TRPS1: variants seen among roughly 807,000 people sequenced by gnomAD.
TRPS1 encodes transcriptional repressor GATA binding 1.
A neutral mutation model predicts 101.2 loss-of-function variants in TRPS1; 6 were observed. The ratio of observed to expected loss-of-function variants is 0.06; its 90% CI spans 0.03 to 0.12. The LOEUF is 0.12. TRPS1 is among the 10% of genes least tolerant of loss of function. The pLI, the probability that TRPS1 is intolerant of heterozygous loss-of-function variation, is 1.00. For missense variants in TRPS1, 1,363 were observed against 1,567.0 expected (o/e 0.87, Z 2.20); for synonymous variants, 578 against 589.8 (o/e 0.98, Z 0.29).
intron 5 of TRPS1, among the ~76,000 whole-genome samples, chr8:115,501,842 CT>C (rs1815327351): frequency 6.6e-6 from 1 of 152,106 alleles, no homozygotes; most frequent in East Asian, 1.9e-4. Context: ...CAGTCTATTG[CT>C]TTTATTAAGG....
chr8:115,472,968 A>G (rs1368807725), intron 5 of TRPS1, among the ~76,000 whole-genome samples: 1 of 152,198 alleles, frequency 6.6e-6, no homozygotes, highest in African/African-American at 2.4e-5. Flanking sequence ...TGTTACTCAA[A>G]GCCATTCAAC....
chr8:115,572,491 G>A (rs1004478715), intron 5 of TRPS1, among the ~76,000 whole-genome samples: 11 of 151,728 alleles, frequency 7.2e-5, no homozygotes, highest in Non-Finnish European at 1.2e-4. Flanking sequence ...TCACTCTGTG[G>A]TACCTGACAC....
chr8:115,447,228 C>T (rs987034620), intron 5 of TRPS1, among the ~76,000 whole-genome samples: 7 of 152,106 alleles, frequency 4.6e-5, no homozygotes, highest in African/African-American at 1.7e-4. Context: ...TATACCTTTG[C>T]CCTATCCTTG....
chr8:115,412,115 C>A lies in TRPS1; in HGVS notation c.*1908G>T, dbSNP rs1812803821. On this transcript the variant is annotated 3_prime_UTR_variant, in exon 7 of 7. Coordinates refer to ENST00000395715, the MANE Select transcript of TRPS1 (RefSeq NM_014112.5). ...TGTTTCATATGAAACATAGACAAAGCAATAAAAAGAGGATATATGTTTATC... is the reference window on the plus strand; with the variant it reads ...TGTTTCATATGAAACATAGACAAAGAAATAAAAAGAGGATATATGTTTATC... 6.6e-6 allele frequency: 1 copy of A among 150,384 alleles called. No homozygotes were observed. Among genetic ancestry groups the A allele is most frequent in the Non-Finnish European group, 1.5e-5 (1 of 67,550 alleles). 9.3% of individuals were successfully genotyped at this position (150,384 alleles called of 1,614,324 possible). A position where few individuals can be genotyped will look rare whatever the true frequency, so the allele number is the denominator to read the frequency against.
intron 1 of TRPS1, among the ~76,000 whole-genome samples, chr8:115,655,758 G>A (rs1811663353): frequency 6.6e-6 from 1 of 152,050 alleles, no homozygotes; most frequent in East Asian, 1.9e-4. Context: ...TGTACATAGA[G>A]GCTTTGAATT....
chr8:115,566,497 A>G (rs566637652), intron 5 of TRPS1, among the ~76,000 whole-genome samples: 1 of 152,094 alleles, frequency 6.6e-6, no homozygotes, highest in African/African-American at 2.4e-5. Flanking sequence ...ATGATTTCTG[A>G]GTTTTGCTGT....
chr8:115,657,208 T>TTA (rs1811695027), intron 1 of TRPS1, among the ~76,000 whole-genome samples: 1 of 152,116 alleles, frequency 6.6e-6, no homozygotes, highest in African/African-American at 2.4e-5. Flanking sequence ...ACATTCACTG[T>TTA]TATATTTTCC....
chr8:115,630,936 T>C (rs2130561003), intron 1 of TRPS1, among the ~76,000 whole-genome samples: 1 of 152,146 alleles, frequency 6.6e-6, no homozygotes, highest in East Asian at 1.9e-4. Context: ...GAGAACACAA[T>C]CTACAAGACG....
intron 5 of TRPS1, among the ~76,000 whole-genome samples, chr8:115,548,903 T>A (rs1816640712): frequency 6.6e-6 from 1 of 152,212 alleles, no homozygotes; most frequent in East Asian, 1.9e-4. Context: ...TTTCTCTCCC[T>A]AATAGATGAA....
intron 5 of TRPS1, among the ~76,000 whole-genome samples, chr8:115,551,460 G>A (rs1444199016): frequency 6.6e-6 from 1 of 152,110 alleles, no homozygotes; most frequent in African/African-American, 2.4e-5. Flanking sequence ...ACTGTATGTG[G>A]TTTAGTACGT....
rs762011118 is a variant in TRPS1, at chr8:115,587,466, G to T, written c.2235C>A (p.Ala745=). 3.7e-6 allele frequency: 6 copies of T among 1,614,006 alleles called. No homozygotes were observed. In the African/African-American group the frequency reaches 5.3e-5, roughly 14 times the overall value. Residue 745 remains alanine (A), a synonymous_variant, in exon 5 of 7, where the codon GCC becomes GCA. Coordinates refer to ENST00000395715, the MANE Select transcript of TRPS1 (RefSeq NM_014112.5). The stretch of plus-strand genomic sequence containing the variant: ...TGGGCTCCTCTTTGATGGTGGATAT[G>T]GCATGACCGTCCTCTTCGCCGTTGG... ...TTANGEEDGH[A]ISTIKEEPKI...
chr8:115,490,108 G>C lies in TRPS1; in HGVS notation c.2701-71656C>G, dbSNP rs1474318532. The stretch of plus-strand genomic sequence containing the variant: ...AATTGTATTTTTATAATAGATATCA[G>C]TGCAAGGCACACACAAGGGTTCTGT... On this transcript the variant is annotated intron_variant, in intron 5 of 6. Transcript: ENST00000395715. Among the ~76,000 whole-genome samples, 3 of 151,992 alleles carry C rather than the reference G, an allele frequency of 2.0e-5. No homozygotes were observed. In the East Asian group the frequency reaches 5.8e-4, roughly 29 times the overall value.
At position 115,565,259 on chromosome 8, in the gene TRPS1, G is replaced by A. The variant is rs373850982; in HGVS notation, c.2700+21742C>T. 2.4e-4 allele frequency among the ~76,000 whole-genome samples: 37 copies of A among 152,152 alleles called. No individual in the cohort carries two copies. The East Asian group carries it at 5.0e-3, about 21-fold the overall frequency. Reference sequence around the variant, plus strand: ...TCTTTTTTAAGTTTAGAAGGCCCTCGGAAGTGGTTCTACAACCCTGTCTTT... The same window carrying A: ...TCTTTTTTAAGTTTAGAAGGCCCTCAGAAGTGGTTCTACAACCCTGTCTTT... On this transcript the variant is annotated intron_variant, in intron 5 of 6. Transcript: ENST00000395715.
At chr8:115,594,550 C>T (rs1251354966) in intron 4 of TRPS1, among the ~76,000 whole-genome samples, 7 of 151,964 alleles carry the variant, frequency 4.6e-5, no homozygotes, top group African/African-American at 7.2e-5. Flanking sequence ...TCTAGGCAAA[C>T]GACATCAAAT....
chr8:115,649,881 C>T (rs2737251), intron 1 of TRPS1, among the ~76,000 whole-genome samples: 45,450 of 152,114 alleles, frequency 0.3, 7,535 homozygotes, highest in Admixed American at 0.39. Flanking sequence ...AGCACACATG[C>T]TGTACAGCTG....
intron 5 of TRPS1, among the ~76,000 whole-genome samples, chr8:115,539,321 T>C (rs1816396915): frequency 6.6e-6 from 1 of 152,216 alleles, no homozygotes; most frequent in Non-Finnish European, 1.5e-5. Flanking sequence ...CCAATGTTAT[T>C]TTAAAAAATT....
intron 5 of TRPS1, among the ~76,000 whole-genome samples, chr8:115,520,792 TG>T (rs1815840066): frequency 6.6e-6 from 1 of 151,880 alleles, no homozygotes; most frequent in Non-Finnish European, 1.5e-5. Context: ...CAAAGGTTAA[TG>T]TGCCATTACC....
At chr8:115,631,794 C>T (rs1035524495) in intron 1 of TRPS1, among the ~76,000 whole-genome samples, 1 of 151,984 alleles carries the variant, frequency 6.6e-6, no homozygotes, top group Non-Finnish European at 1.5e-5. Context: ...AAAGTTGTCT[C>T]AACAACATAA....
intron 1 of TRPS1, among the ~76,000 whole-genome samples, chr8:115,662,936 T>C (rs1287082905): frequency 6.6e-6 from 1 of 152,134 alleles, no homozygotes; most frequent in African/African-American, 2.4e-5. Flanking sequence ...GTCGCATTCG[T>C]TATATAAACA....
Sources: allele counts gnomAD v4.1 joint callset (sites outside exome capture counted in the v4.1 genomes callset), GRCh38; gene constraint gnomAD v4.1.1; transcripts MANE v1.5; gene names NCBI Gene and HGNC (gene_info 2026-07-23, HGNC 2026-07-21).